SBK1: variants seen among roughly 807,000 people sequenced by gnomAD.
The protein encoded by SBK1 is SH3 domain binding kinase 1.
A neutral mutation model predicts 24.4 loss-of-function variants in SBK1; 11 were observed. That is an observed-to-expected ratio of 0.45 (90% CI 0.28 to 0.75). The LOEUF (loss-of-function observed/expected upper bound fraction) is 0.75. SBK1 is among the 30% of genes least tolerant of loss of function. The pLI is 0.12. For missense variants in SBK1, 467 were observed against 620.5 expected (o/e 0.75, Z 2.63); for synonymous variants, 308 against 284.4 (o/e 1.08, Z -0.83).
chr16:28,288,403 T>C (rs565792624), upstream of SBK1, among the ~76,000 whole-genome samples: 1 of 152,332 alleles, frequency 6.6e-6, no homozygotes, highest in East Asian at 1.9e-4. Flanking sequence ...CTTCCATCCC[T>C]TGCACTACTC....
At chr16:28,274,163 A>G (rs1349003186) in intron 1 of SBK1, among the ~76,000 whole-genome samples, 1 of 152,198 alleles carries the variant, frequency 6.6e-6, no homozygotes, top group South Asian at 2.1e-4. Flanking sequence ...GTCAAAACCC[A>G]TGGAACTCTA....
intron 1 of SBK1, among the ~76,000 whole-genome samples, chr16:28,303,507 C>CTTTTTTTTTT (rs143613970): frequency 4.7e-3 from 276 of 58,124 alleles, no homozygotes; most frequent in African/African-American, 6.9e-3. Context: ...CTTTTCTTTT[C>CTTTTTTTTTT]TTTTTTTTTT....
chr16:28,278,078 G>A (rs972115935), intron 1 of SBK1, among the ~76,000 whole-genome samples: 4 of 152,278 alleles, frequency 2.6e-5, no homozygotes, highest in African/African-American at 9.6e-5. Flanking sequence ...TTCTAAGGTG[G>A]TGTGAGGATG....
In SBK1 at chr16:28,261,609, G is replaced by A. The variant is rs113515814; in HGVS notation, c.257+2107G>A. 6.6e-3 allele frequency among the ~76,000 whole-genome samples: 1,007 copies of A among 152,222 alleles called. 11 individuals are homozygous for A. Among genetic ancestry groups the A allele is most frequent in the African/African-American group, 0.023 (936 of 41,522 alleles). ...CACGCCCCTGCACTCCAGCCTAGGC[G>A]ACAGAGTGAGACCCTGTCTCAAAAA... On this transcript the variant is annotated intron_variant, in intron 1 of 3. Coordinates refer to the SBK1 transcript ENST00000671413.
intron 1 of SBK1, among the ~76,000 whole-genome samples, chr16:28,278,344 C>A (rs1321494088): frequency 6.6e-6 from 1 of 151,206 alleles, no homozygotes; most frequent in Non-Finnish European, 1.5e-5. Context: ...ACCTCACCCA[C>A]CCCGCCTTTG....
chr16:28,306,966 G>A (rs914481546), intron 1 of SBK1, among the ~76,000 whole-genome samples: 10 of 152,202 alleles, frequency 6.6e-5, no homozygotes, highest in Admixed American at 2.0e-4. Context: ...CGAAAGTTAC[G>A]TAGGAAGTCA....
intron 1 of SBK1, among the ~76,000 whole-genome samples, chr16:28,282,421 C>T (rs1453163061): frequency 1.3e-5 from 2 of 152,186 alleles, no homozygotes; most frequent in Admixed American, 6.5e-5. Context: ...CCCCTCAGAT[C>T]TCAGGGCGGC....
chr16:28,314,144 T>A (rs2044774670), intron 1 of SBK1, among the ~76,000 whole-genome samples: 1 of 97,810 alleles, frequency 1.0e-5, no homozygotes, highest in Non-Finnish European at 2.8e-5. Flanking sequence ...GTTGTCGTTA[T>A]TATTGTTATT....
chr16:28,309,992 G>A (rs554229748), intron 1 of SBK1, among the ~76,000 whole-genome samples: 3 of 152,326 alleles, frequency 2.0e-5, no homozygotes, highest in South Asian at 4.1e-4. Context: ...TGGTGCCAAC[G>A]CTTGCCGACC....
In SBK1 at chr16:28,321,038, T is replaced by G; in HGVS notation, c.*117T>G. On this transcript the variant is annotated 3_prime_UTR_variant, in exon 4 of 4. Coordinates refer to ENST00000341901, the MANE Select transcript of SBK1 (RefSeq NM_001024401.3). ...CGGGGCAGGGGGCGCAGCGGTAGAC[T>G]AGGCAGGACGCGGCCCGGCACCTGG... 1 of 979,938 alleles carries G rather than the reference T, an allele frequency of 1.0e-6. No homozygotes were observed. 60.7% of individuals were successfully genotyped at this position (979,938 alleles called of 1,614,324 possible). A position where few individuals can be genotyped will look rare whatever the true frequency, so the allele number is the denominator to read the frequency against.
chr16:28,306,522 A>G lies in SBK1; in HGVS notation c.-7-10863A>G, dbSNP rs368265773. 5.9e-5 allele frequency among the ~76,000 whole-genome samples: 9 copies of G among 152,300 alleles called. No individual in the cohort carries two copies. The East Asian group carries it at 7.7e-4, about 13-fold the overall frequency. Reference sequence around the variant, plus strand: ...CTATGTTAGAGCAATGCAACAGACAAGTGGGAATGAGCCCACAAATCAGAG... The same window carrying G: ...CTATGTTAGAGCAATGCAACAGACAGGTGGGAATGAGCCCACAAATCAGAG... On this transcript the variant is annotated intron_variant, in intron 1 of 3. Transcript: ENST00000341901.
intron 1 of SBK1, among the ~76,000 whole-genome samples, chr16:28,297,814 AG>A (rs1466674570): frequency 6.6e-6 from 1 of 152,164 alleles, no homozygotes; most frequent in Non-Finnish European, 1.5e-5. Flanking sequence ...CTAGGGAGGC[AG>A]AGGCTTCTGG....
intron 1 of SBK1, among the ~76,000 whole-genome samples, chr16:28,307,085 T>C (rs1163408464): frequency 1.3e-5 from 2 of 151,896 alleles, no homozygotes; most frequent in Admixed American, 6.6e-5. Context: ...GCAGTACAGA[T>C]GGGGGTGGCT....
At chr16:28,301,376 A>G (rs2044677686) in intron 1 of SBK1, among the ~76,000 whole-genome samples, 2 of 152,160 alleles carry the variant, frequency 1.3e-5, no homozygotes, top group Non-Finnish European at 2.9e-5. Context: ...ATAGCCACCA[A>G]AGATGTGCCC....
chr16:28,275,716 C>CA (rs1190359070), intron 1 of SBK1, among the ~76,000 whole-genome samples: 1 of 151,828 alleles, frequency 6.6e-6, no homozygotes, highest in Non-Finnish European at 1.5e-5. Context: ...CCTGAGTCTA[C>CA]AAAAAATAAG....
rs928710040 is a variant in SBK1, at chr16:28,317,413, C to A, written c.22C>A (p.Pro8Thr). The A allele has an allele frequency of 6.2e-7, 1 of 1,613,876 alleles. No individual in the cohort carries two copies. Among genetic ancestry groups the A allele is most frequent in the Non-Finnish European group, 8.5e-7 (1 of 1,179,870 alleles). Reference protein sequence around the residue: MSVGCPEPEPPRSLTCCG... With the variant: MSVGCPETEPPRSLTCCG... The stretch of plus-strand genomic sequence containing the variant: ...GAAGATGAGCGTGGGCTGCCCAGAG[C>A]CTGAGCCGCCCCGCTCCCTGACCTG... Residue 8 changes from proline to threonine, a missense_variant, in exon 2 of 4, where the codon CCT becomes ACT. This residue lies in a region of SBK1 where 123 missense variants were observed against 158.2 expected (regional missense o/e 0.78). Coordinates refer to ENST00000341901, the MANE Select transcript of SBK1 (RefSeq NM_001024401.3). The surrounding 1 kb of genome is among the most constrained non-coding windows in gnomAD (Gnocchi z 4.2).
intron 1 of SBK1, among the ~76,000 whole-genome samples, chr16:28,270,632 C>A (rs1226439030): frequency 1.3e-5 from 2 of 151,662 alleles, no homozygotes; most frequent in Non-Finnish European, 2.9e-5. Flanking sequence ...CCATGTTGCC[C>A]AGGCTGGTCT....
At chr16:28,299,436 C>T (rs928080276) in intron 1 of SBK1, among the ~76,000 whole-genome samples, 2 of 152,186 alleles carry the variant, frequency 1.3e-5, no homozygotes, top group African/African-American at 4.8e-5. Flanking sequence ...GAGTCTGCCT[C>T]CCTTGATACC....
intron 1 of SBK1, chr16:28,286,959 G>C (rs2044568833): frequency 6.6e-6 from 1 of 151,834 alleles, no homozygotes; most frequent in South Asian, 2.1e-4. Context: ...GCTGGGCGTG[G>C]TGGCAGGAGC....
Sources: allele counts gnomAD v4.1 joint callset (sites outside exome capture counted in the v4.1 genomes callset), GRCh38; gene constraint gnomAD v4.1.1; regional missense constraint gnomAD v4.1.1; non-coding constraint Gnocchi (gnomAD v3.1); transcripts MANE v1.5; gene names NCBI Gene and HGNC (gene_info 2026-07-23, HGNC 2026-07-21).